The following APBA2 variants were observed in gnomAD, a reference collection of about 807,000 sequenced individuals.
The protein encoded by APBA2 is amyloid-beta A4 precursor protein-binding family A member 2.
APBA2 carries 30 observed loss-of-function variants against 75.0 expected under a neutral mutation model. The ratio of observed to expected loss-of-function variants is 0.40; its 90% CI spans 0.30 to 0.54. The LOEUF is 0.54. Ranked by LOEUF, APBA2 falls within the 20% of genes least tolerant of loss-of-function variation. The pLI is 0.49. For synonymous variants in APBA2, 444 were observed against 409.6 expected, an observed-to-expected ratio of 1.08 and a Z score of -1.01; for missense variants, 801 against 1,016.1, an observed-to-expected ratio of 0.79 and a Z score of 2.88.
At chr15:29,104,303 G>A (rs2044289151) in intron 10 of APBA2, among the ~76,000 whole-genome samples, 1 of 152,336 alleles carries the variant, frequency 6.6e-6, no homozygotes, top group East Asian at 1.9e-4. Flanking sequence ...GGCTCACACA[G>A]CCCAGAGCCT....
chr15:29,093,826 C>T (rs972400473), intron 7 of APBA2, among the ~76,000 whole-genome samples: 5 of 152,150 alleles, frequency 3.3e-5, no homozygotes, highest in African/African-American at 4.8e-5. Context: ...AACCTCCTCC[C>T]CAGCCCTCAC....
chr15:29,117,372 G>C lies in APBA2; in HGVS notation c.*239G>C, dbSNP rs1413528067. ...GTTTGTAAAGCGTTCCAAGTATTTT[G>C]CCACGTTCTGGACTGTCTTCTCCCT... On this transcript the variant is annotated 3_prime_UTR_variant, in exon 15 of 15. Coordinates refer to ENST00000683413, the MANE Select transcript of APBA2 (RefSeq NM_001353788.2). 24 of 582,156 alleles carry C rather than the reference G, an allele frequency of 4.1e-5. No homozygotes were observed. Among genetic ancestry groups the C allele is most frequent in the African/African-American group, 7.5e-5 (4 of 53,358 alleles). 36.1% of individuals were successfully genotyped at this position (582,156 alleles called of 1,614,324 possible). A position where few individuals can be genotyped will look rare whatever the true frequency, so the allele number is the denominator to read the frequency against.
intron 14 of APBA2, among the ~76,000 whole-genome samples, chr15:29,114,509 G>A (rs536897778): frequency 1.1e-4 from 17 of 152,308 alleles, no homozygotes; most frequent in Middle Eastern, 3.4e-3. Flanking sequence ...GGATCATTGG[G>A]AGGGGGGATG....
rs1399912902 is a variant in APBA2 at position 28,934,934 on chromosome 15, C to A, written c.-95+13185C>A. 1.8e-4 allele frequency among the ~76,000 whole-genome samples: 28 copies of A among 152,190 alleles called. 1 individual carries two copies. The highest frequency in any genetic ancestry group is 1.8e-3 in the Admixed American group (28 of 15,274). ...CCCGGAGACCTGGGTGTCCTCTGCTCTGTTGTACTGACACGCTGCGTGCTT... is the reference window on the plus strand; with the variant it reads ...CCCGGAGACCTGGGTGTCCTCTGCTATGTTGTACTGACACGCTGCGTGCTT... On this transcript the variant is annotated intron_variant, in intron 2 of 14. Transcript: ENST00000683413.
intron 2 of APBA2, among the ~76,000 whole-genome samples, chr15:28,926,325 C>G (rs2034257043): frequency 6.6e-6 from 1 of 152,136 alleles, no homozygotes; most frequent in African/African-American, 2.4e-5. Context: ...ACTCATACTT[C>G]TTTTTAAAAG....
intron 3 of APBA2, among the ~76,000 whole-genome samples, chr15:29,042,337 A>C (rs1373967820): frequency 6.6e-6 from 1 of 151,900 alleles, no homozygotes; most frequent in Non-Finnish European, 1.5e-5. Context: ...CAGTGGCCCG[A>C]TCTCAGCTCA....
intron 6 of APBA2, among the ~76,000 whole-genome samples, chr15:29,090,445 C>T (rs1361241731): frequency 6.6e-6 from 1 of 152,222 alleles, no homozygotes; most frequent in Non-Finnish European, 1.5e-5. Flanking sequence ...GGGTCTGGTG[C>T]ACTGACCAGG....
intron 2 of APBA2, among the ~76,000 whole-genome samples, chr15:28,965,451 A>G (rs2036689992): frequency 6.6e-6 from 1 of 152,136 alleles, no homozygotes; most frequent in Non-Finnish European, 1.5e-5. Context: ...TTATTTGGCT[A>G]TTCTCAGGCT....
At chr15:29,105,646 C>T (rs2044365350) in intron 11 of APBA2, 88 bp downstream of exon 11, 10 of 1,431,226 alleles carry the variant, frequency 7.0e-6, no homozygotes, top group Non-Finnish European at 9.7e-6. Context: ...CCGGGGTCCT[C>T]ACGCACACCC....
intron 2 of APBA2, among the ~76,000 whole-genome samples, chr15:28,938,697 T>C (rs989722953): frequency 1.2e-4 from 19 of 152,202 alleles, no homozygotes; most frequent in African/African-American, 4.6e-4. Context: ...TTAGTAGAGA[T>C]GGGGTTTCAC....
intron 2 of APBA2, among the ~76,000 whole-genome samples, chr15:28,984,548 C>CAGGAAACGG (rs2037796185): frequency 6.6e-6 from 1 of 151,996 alleles, no homozygotes; most frequent in Non-Finnish European, 1.5e-5. Context: ...TTCCTGGTCC[C>CAGGAAACGG]GTTTCCAACT....
At chr15:28,914,927 TACAC>T (rs2033595524) in intron 1 of APBA2, among the ~76,000 whole-genome samples, 1 of 151,028 alleles carries the variant, frequency 6.6e-6, no homozygotes, top group South Asian at 2.1e-4. Context: ...GTGTGCATAA[TACAC>T]ACCACACACA....
At chr15:28,897,636 A>AG (rs931502279) in intron 1 of APBA2, among the ~76,000 whole-genome samples, 2 of 150,926 alleles carry the variant, frequency 1.3e-5, no homozygotes, top group African/African-American at 4.9e-5. Context: ...AAAAAAAAAA[A>AG]AGAGAAAAAG....
At chr15:28,966,636 T>C (rs1014511009) in intron 2 of APBA2, among the ~76,000 whole-genome samples, 4 of 152,202 alleles carry the variant, frequency 2.6e-5, no homozygotes, top group African/African-American at 7.2e-5. Context: ...ATTCTGCCAA[T>C]GTCTGTTATT....
intron 2 of APBA2, among the ~76,000 whole-genome samples, chr15:28,943,040 G>A (rs1408230015): frequency 6.6e-6 from 1 of 152,204 alleles, no homozygotes; most frequent in Non-Finnish European, 1.5e-5. Context: ...AAAGCTAATG[G>A]AATCAGGAAT....
At chr15:29,026,049 T>A (rs2040207655) in intron 3 of APBA2, among the ~76,000 whole-genome samples, 1 of 152,172 alleles carries the variant, frequency 6.6e-6, no homozygotes, top group Non-Finnish European at 1.5e-5. Flanking sequence ...GCAGGAAAGC[T>A]GCAACTTCTT....
At position 29,093,750 on chromosome 15, in the gene APBA2, G is replaced by T. The variant is rs112596373; in HGVS notation, c.1216-528G>T. ...CGGGGAGGGGATGCAGCCATCTGAG[G>T]TCTCAGCTCTCTGAGCAAGACAGGA... is the stretch of plus-strand genomic sequence containing the variant. On this transcript the variant is annotated intron_variant, in intron 7 of 14. Coordinates refer to ENST00000683413, the MANE Select transcript of APBA2 (RefSeq NM_001353788.2). Among the ~76,000 whole-genome samples, 642 of 152,262 alleles carry T rather than the reference G, an allele frequency of 4.2e-3. 2 individuals are homozygous for T. Among genetic ancestry groups the T allele is most frequent in the African/African-American group, 0.015 (614 of 41,544 alleles).
chr15:28,898,740 A>T (rs942623752), intron 1 of APBA2, among the ~76,000 whole-genome samples: 3 of 152,238 alleles, frequency 2.0e-5, no homozygotes, highest in Admixed American at 1.3e-4. Flanking sequence ...TGGAGTTTTC[A>T]AGGTGAAATT....
At chr15:29,035,335 C>T (rs1471492924) in intron 3 of APBA2, among the ~76,000 whole-genome samples, 1 of 152,134 alleles carries the variant, frequency 6.6e-6, no homozygotes, top group Non-Finnish European at 1.5e-5. Context: ...AAAATAGATT[C>T]AGGAACAGCC....
Sources: allele counts gnomAD v4.1 joint callset (sites outside exome capture counted in the v4.1 genomes callset), GRCh38; gene constraint gnomAD v4.1.1; transcripts MANE v1.5; gene names NCBI Gene and HGNC (gene_info 2026-07-23, HGNC 2026-07-21).